PCNX2: variants seen among roughly 807,000 people sequenced by gnomAD.
PCNX2 encodes pecanex 2, also known as pecanex-like protein 2.
In PCNX2, 168 loss-of-function variants were observed where a neutral mutation model predicts 223.8. The ratio of observed to expected loss-of-function variants is 0.75; its 90% CI spans 0.66 to 0.85. PCNX2 has a LOEUF of 0.85. PCNX2 is among the 40% of genes least tolerant of loss of function. The probability of loss-of-function intolerance (pLI) is 0.00; values close to 1 mark genes in which losing one functional copy is unlikely to be tolerated. For missense variants in PCNX2, 2,507 were observed against 2,675.5 expected (o/e 0.94, Z 1.39); for synonymous variants, 1,006 against 1,052.6 (o/e 0.96, Z 0.86).
intron 10 of PCNX2, among the ~76,000 whole-genome samples, chr1:233,223,113 T>C (rs1657489290): frequency 6.6e-6 from 1 of 152,112 alleles, no homozygotes; most frequent in South Asian, 2.1e-4. Context: ...AATCTTCCCT[T>C]CCTATGTAGC....
Position 232,998,367 on chromosome 1 carries a change from G to T in PCNX2, c.5675C>A (p.Pro1892Gln), listed in dbSNP as rs770719549. 1 of 1,612,900 alleles carries T rather than the reference G, an allele frequency of 6.2e-7. No homozygotes were observed. ...NIEDVDGGGA[P>Q]TTGGNNAPSG... ...CGGGGCATTGTTGCCACCTGTCGTC[G>T]GGGCCCCTCCTCCGTCCACGTCTTC... Residue 1892 changes from proline to glutamine, a missense_variant, in exon 32 of 34, where the codon CCG (proline) becomes CAG (glutamine). Coordinates refer to ENST00000258229, the MANE Select transcript of PCNX2 (RefSeq NM_014801.4).
chr1:233,318,550 T>A, the PCNX2 span, among the ~76,000 whole-genome samples: 1 of 125,590 alleles, frequency 8.0e-6, no homozygotes, highest in African/African-American at 3.1e-5. Context: ...ACCATCTTTT[T>A]CTTTTTCTTT....
chr1:233,028,355 A>G (rs531527322), intron 25 of PCNX2, among the ~76,000 whole-genome samples: 1 of 152,130 alleles, frequency 6.6e-6, no homozygotes, highest in South Asian at 2.1e-4. Context: ...ATAATTGTAG[A>G]TTTTTCTGTT....
intron 26 of PCNX2, among the ~76,000 whole-genome samples, chr1:233,017,900 T>C (rs1367051634): frequency 6.6e-6 from 1 of 152,256 alleles, no homozygotes; most frequent in Admixed American, 6.5e-5. Context: ...ACGGGGTTGC[T>C]GTAGGCTTTG....
In PCNX2 at chr1:233,294,106, T is replaced by C. The variant is rs943558343; in HGVS notation, c.153+1220A>G. On this transcript the variant is annotated intron_variant, in intron 1 of 33. Coordinates refer to ENST00000258229, the MANE Select transcript of PCNX2 (RefSeq NM_014801.4). The stretch of plus-strand genomic sequence containing the variant: ...GATGATCACATCCGTTTTAATGATA[T>C]GAATGCTAAGTTTTAGAAAAGTTCA... 10 of 587,898 alleles carry C rather than the reference T, an allele frequency of 1.7e-5. No individual in the cohort carries two copies. The Admixed American group carries it at 5.7e-4, about 34-fold the overall frequency. 36.4% of individuals were successfully genotyped at this position (587,898 alleles called of 1,614,324 possible).
intron 21 of PCNX2, among the ~76,000 whole-genome samples, chr1:233,116,379 CACACACAA>C (rs142266661): frequency 0.019 from 2,822 of 152,236 alleles, 105 homozygotes; most frequent in African/African-American, 0.064. Flanking sequence ...CTAGGCTACA[CACACACAA>C]ACACACAGAC....
chr1:233,077,608 G>T (rs1329083001), intron 23 of PCNX2, among the ~76,000 whole-genome samples: 1 of 151,974 alleles, frequency 6.6e-6, no homozygotes, highest in East Asian at 1.9e-4. Flanking sequence ...TCTGTCCTAT[G>T]CCTCTCTCAC....
At chr1:232,987,914 A>G (rs1179558209) in intron 32 of PCNX2, among the ~76,000 whole-genome samples, 1 of 152,104 alleles carries the variant, frequency 6.6e-6, no homozygotes, top group Non-Finnish European at 1.5e-5. Context: ...GACAGTAAGG[A>G]GCGCTCGCCC....
At chr1:232,998,215 C>T (rs1326988624) in intron 32 of PCNX2, 36 bp downstream of exon 32, 1 of 1,487,010 alleles carries the variant, frequency 6.7e-7, no homozygotes, top group African/African-American at 1.4e-5. Flanking sequence ...CCAAATAGGA[C>T]TTCATCGATA....
At chr1:233,013,743 G>T (rs1670556467) in intron 28 of PCNX2, among the ~76,000 whole-genome samples, 1 of 152,196 alleles carries the variant, frequency 6.6e-6, no homozygotes, top group Admixed American at 6.5e-5. Context: ...CTAGGTTTGT[G>T]TTCTCAACCT....
chr1:233,316,637 G>A, the PCNX2 span, among the ~76,000 whole-genome samples: 13 of 152,234 alleles, frequency 8.5e-5, no homozygotes, highest in Non-Finnish European at 1.3e-4. Flanking sequence ...TGTGAAAGTC[G>A]AAACACTCCC....
At chr1:233,231,940 A>G (rs1217469529) in intron 9 of PCNX2, among the ~76,000 whole-genome samples, 1 of 152,178 alleles carries the variant, frequency 6.6e-6, no homozygotes, top group Non-Finnish European at 1.5e-5. Flanking sequence ...CCCCCAGATG[A>G]AATAATGCCT....
At chr1:232,999,450 T>TTA in intron 30 of PCNX2, 71 bp from the exon 31 acceptor site, 3 of 1,424,710 alleles carry the variant, frequency 2.1e-6, no homozygotes, top group South Asian at 1.5e-5. Flanking sequence ...TTTTTTCTTT[T>TTA]TCTTTTTTTT....
intron 21 of PCNX2, among the ~76,000 whole-genome samples, chr1:233,107,404 A>C (rs1674860492): frequency 6.6e-6 from 1 of 152,134 alleles, no homozygotes. Context: ...ACAAACAAAC[A>C]AACAAACAAA....
chr1:233,215,957 A>T (rs1682101046), intron 12 of PCNX2, among the ~76,000 whole-genome samples: 1 of 152,244 alleles, frequency 6.6e-6, no homozygotes, highest in Admixed American at 6.5e-5. Flanking sequence ...ATGCCATGTG[A>T]TCGTCCAATT....
intron 30 of PCNX2, 49 bp from the exon 31 acceptor site, chr1:232,999,428 C>T (rs1254308590): frequency 6.7e-7 from 1 of 1,493,732 alleles, no homozygotes; most frequent in South Asian, 1.3e-5. Flanking sequence ...CCTGTGTTTT[C>T]CAGTCTATTG....
rs746352117 is a variant in PCNX2 at position 233,262,205 on chromosome 1, T to C, written c.360-40A>G. The C allele has an allele frequency of 3.1e-6, 5 of 1,609,966 alleles. No individual in the cohort carries two copies. In the South Asian group the frequency reaches 5.5e-5, roughly 18 times the overall value. On this transcript the variant is annotated intron_variant, in intron 2 of 33. Coordinates refer to ENST00000258229, the MANE Select transcript of PCNX2 (RefSeq NM_014801.4). ...GAAACACAAGAGCAGTGAGCGATAT[T>C]ATCAAACAGAAGCATGACTCTTTTA...
At chr1:233,003,403 G>C (rs944892910) in intron 28 of PCNX2, among the ~76,000 whole-genome samples, 4 of 152,222 alleles carry the variant, frequency 2.6e-5, no homozygotes, top group African/African-American at 9.6e-5. Context: ...ATGAAAAACA[G>C]CTCATCATCA....
intron 10 of PCNX2, among the ~76,000 whole-genome samples, chr1:233,225,133 AAAAAAT>A (rs1213462916): frequency 1.3e-5 from 2 of 151,294 alleles, no homozygotes; most frequent in African/African-American, 4.9e-5. Flanking sequence ...AAAAAAAAAA[AAAAAAT>A]GTTATGTTAC....
Sources: gnomAD v4.1 joint callset for allele counts (sites outside exome capture counted in the v4.1 genomes callset) on GRCh38, gnomAD v4.1.1 for gene constraint, MANE v1.5 for transcripts, NCBI Gene and HGNC (gene_info 2026-07-23, HGNC 2026-07-21) for gene names.